EEFSEC: variants seen among roughly 807,000 people sequenced by gnomAD.
The protein encoded by EEFSEC is eukaryotic elongation factor, selenocysteine-tRNA specific.
In EEFSEC, 43 loss-of-function variants were observed where a neutral mutation model predicts 42.1. The ratio of observed to expected loss-of-function variants is 1.02; its 90% CI spans 0.80 to 1.32. The LOEUF is 1.32. EEFSEC is among the 40% of genes most tolerant of loss of function. The pLI, the probability that EEFSEC is intolerant of heterozygous loss-of-function variation, is 0.00. For missense variants in EEFSEC, 745 were observed against 803.6 expected (o/e 0.93, Z 0.88); for synonymous variants, 354 against 339.1 (o/e 1.04, Z -0.48).
At chr3:128,174,290 A>G (rs1038415915) in intron 1 of EEFSEC, among the ~76,000 whole-genome samples, 3 of 152,238 alleles carry the variant, frequency 2.0e-5, no homozygotes, top group Non-Finnish European at 4.4e-5. Flanking sequence ...ACAGTTTACA[A>G]TACCTACATC....
At chr3:128,205,137 G>C (rs2065684819) in intron 1 of EEFSEC, among the ~76,000 whole-genome samples, 1 of 152,154 alleles carries the variant, frequency 6.6e-6, no homozygotes, top group Admixed American at 6.5e-5. Context: ...AGTGAGGATA[G>C]GCACCCTTCC....
intron 2 of EEFSEC, among the ~76,000 whole-genome samples, chr3:128,258,290 G>T (rs2066263255): frequency 6.6e-6 from 1 of 152,138 alleles, no homozygotes; most frequent in Admixed American, 6.5e-5. Flanking sequence ...CAGTGTCCCT[G>T]GGGAGTGGAT....
At chr3:128,404,995 T>C (rs2068092449) in intron 6 of EEFSEC, among the ~76,000 whole-genome samples, 1 of 150,942 alleles carries the variant, frequency 6.6e-6, no homozygotes, top group Non-Finnish European at 1.5e-5. Context: ...ACAGATGGCC[T>C]CTTTATCCAG....
intron 6 of EEFSEC, among the ~76,000 whole-genome samples, chr3:128,368,895 C>T (rs889663858): frequency 1.3e-5 from 2 of 152,226 alleles, no homozygotes; most frequent in South Asian, 4.1e-4. Flanking sequence ...GCTCCATGCC[C>T]GTATTGCTGG....
chr3:128,189,415 G>A (rs1303913852), intron 1 of EEFSEC, among the ~76,000 whole-genome samples: 1 of 152,180 alleles, frequency 6.6e-6, no homozygotes, highest in Non-Finnish European at 1.5e-5. Flanking sequence ...TTGTGGTGAT[G>A]CTGGTGTAAC....
rs1376974352 is a variant in EEFSEC at position 128,220,148 on chromosome 3, TAAC to T, written c.317-26685_317-26683del. 2.0e-5 allele frequency among the ~76,000 whole-genome samples: 3 copies of T among 152,164 alleles called. No homozygotes were observed. The East Asian group carries it at 5.8e-4, about 29-fold the overall frequency. ...TGAAGGACAGAGAGAGTGAGTAACT[TAAC>T]AAAGTCATTAGCTTTATAAGTGGTG... On this transcript the variant is annotated intron_variant, in intron 1 of 6. Coordinates refer to ENST00000254730, the MANE Select transcript of EEFSEC (RefSeq NM_021937.5).
chr3:128,333,807 G>A (rs1232177224), intron 4 of EEFSEC, among the ~76,000 whole-genome samples: 1 of 152,174 alleles, frequency 6.6e-6, no homozygotes, highest in Non-Finnish European at 1.5e-5. Flanking sequence ...ATGGTAAAGG[G>A]AAACCAGATC....
the EEFSEC span, among the ~76,000 whole-genome samples, chr3:128,424,900 A>G: frequency 6.6e-6 from 1 of 151,924 alleles, no homozygotes; most frequent in African/African-American, 2.4e-5. Context: ...AAGCTCGTTC[A>G]GTCTAAGGTG....
intron 1 of EEFSEC, among the ~76,000 whole-genome samples, chr3:128,217,955 G>C (rs1030606296): frequency 6.6e-6 from 1 of 152,202 alleles, no homozygotes; most frequent in Admixed American, 6.5e-5. Flanking sequence ...TTATAGAAGA[G>C]GAAACAGGCT....
chr3:128,392,526 A>G (rs1450040797), intron 6 of EEFSEC, among the ~76,000 whole-genome samples: 1 of 152,188 alleles, frequency 6.6e-6, no homozygotes, highest in Non-Finnish European at 1.5e-5. Flanking sequence ...TCTGGACAGG[A>G]TCTACTTCCA....
At chr3:128,390,076 T>A (rs1279820557) in intron 6 of EEFSEC, among the ~76,000 whole-genome samples, 1 of 152,248 alleles carries the variant, frequency 6.6e-6, no homozygotes, top group Non-Finnish European at 1.5e-5. Flanking sequence ...TAAATTTTTC[T>A]CGTATCATCA....
intron 4 of EEFSEC, among the ~76,000 whole-genome samples, chr3:128,319,562 G>A (rs915992156): frequency 3.3e-5 from 5 of 152,294 alleles, no homozygotes; most frequent in Admixed American, 3.3e-4. Context: ...ATGCCCTTAA[G>A]CTTCTGAAAG....
intron 1 of EEFSEC, among the ~76,000 whole-genome samples, chr3:128,181,478 T>G (rs1013964927): frequency 6.6e-5 from 10 of 152,304 alleles, no homozygotes; most frequent in East Asian, 3.9e-4. Context: ...ACTGCCAGTC[T>G]CCATCCTGAT....
At chr3:128,385,293 C>A (rs1289980064) in intron 6 of EEFSEC, among the ~76,000 whole-genome samples, 1 of 152,188 alleles carries the variant, frequency 6.6e-6, no homozygotes, top group East Asian at 1.9e-4. Flanking sequence ...AGGAGAGTAG[C>A]CCGACTGGGG....
chr3:128,168,543 G>A (rs1284274962), intron 1 of EEFSEC, among the ~76,000 whole-genome samples: 1 of 152,224 alleles, frequency 6.6e-6, no homozygotes, highest in Non-Finnish European at 1.5e-5. Flanking sequence ...GCTGGCCTGA[G>A]CCTTTCTGAG....
chr3:128,357,565 C>A (rs2067469882), intron 5 of EEFSEC, among the ~76,000 whole-genome samples: 1 of 152,160 alleles, frequency 6.6e-6, no homozygotes. Context: ...GGCTTCCAGG[C>A]ACAGCTAGAG....
chr3:128,418,474 A>G, the EEFSEC span, among the ~76,000 whole-genome samples: 5 of 151,056 alleles, frequency 3.3e-5, no homozygotes, highest in South Asian at 1.1e-3. Flanking sequence ...TCCCAATCTG[A>G]CCTTCCCCCA....
At chr3:128,211,848 C>CTTTTTTTTTT (rs34885945) in intron 1 of EEFSEC, among the ~76,000 whole-genome samples, 31 of 51,696 alleles carry the variant, frequency 6.0e-4, no homozygotes, top group Admixed American at 1.4e-3. Flanking sequence ...TTTTTCTTTT[C>CTTTTTTTTTT]TTTTTTTTTT....
intron 4 of EEFSEC, among the ~76,000 whole-genome samples, chr3:128,319,744 C>T (rs2066987249): frequency 6.6e-6 from 1 of 152,200 alleles, no homozygotes; most frequent in Non-Finnish European, 1.5e-5. Context: ...AATGCCACAC[C>T]ATGTTCTGTT....
Sources: allele counts gnomAD v4.1 joint callset (sites outside exome capture counted in the v4.1 genomes callset), GRCh38; gene constraint gnomAD v4.1.1; transcripts MANE v1.5; gene names NCBI Gene and HGNC (gene_info 2026-07-23, HGNC 2026-07-21).